Variants in ADAMTS20 observed in about 807,000 individuals in gnomAD.
ADAMTS20 encodes A disintegrin and metalloproteinase with thrombospondin motifs 20.
A neutral mutation model predicts 260.1 loss-of-function variants in ADAMTS20; 225 were observed. The ratio of observed to expected loss-of-function variants is 0.87; its 90% CI spans 0.78 to 0.97. The LOEUF is 0.97. Among genes scored for constraint, ADAMTS20 ranks in the 50% least tolerant of loss-of-function variants. The pLI is 0.00. For missense variants in ADAMTS20, 2,400 were observed against 2,337.7 expected, an observed-to-expected ratio of 1.03 and a Z score of -0.55; for synonymous variants, 802 against 769.5, an observed-to-expected ratio of 1.04 and a Z score of -0.70.
chr12:43,458,018 T>A (rs1941996588), intron 11 of ADAMTS20, among the ~76,000 whole-genome samples: 1 of 152,248 alleles, frequency 6.6e-6, no homozygotes, highest in Admixed American at 6.5e-5. Flanking sequence ...GGCATGCCCA[T>A]GACATAGCCT....
Position 43,428,649 on chromosome 12 carries a change from C to T in ADAMTS20, c.3640G>A (p.Gly1214Arg), listed in dbSNP as rs574435246. The change falls in exon 25 of 39, where the codon GGG becomes AGG. Residue 1214 changes from glycine (G) to arginine (R), a missense_variant. Gly to Arg is a moderately radical substitution (Grantham distance 125). Transcript: ENST00000389420. ...AGAATACTTACGGGTGACCAATCCC[C>T]TGCTTGCCACTCTCCACAAGGGGTA... The part of the protein sequence containing the change: ...CFTPCGEWQA[G>R]DWSPCSASCG... 1.4e-5 allele frequency: 22 copies of T among 1,591,042 alleles called. 1 individual carries two copies. In the South Asian group the frequency reaches 2.2e-4, roughly 16 times the overall value.
chr12:43,463,686 A>G (rs1490654463), intron 10 of ADAMTS20, among the ~76,000 whole-genome samples: 1 of 152,218 alleles, frequency 6.6e-6, no homozygotes, highest in Non-Finnish European at 1.5e-5. Context: ...TTTAGGAAGA[A>G]TAGTCGCTAT....
intron 28 of ADAMTS20, among the ~76,000 whole-genome samples, chr12:43,403,408 A>C (rs975828856): frequency 6.6e-6 from 1 of 152,044 alleles, no homozygotes; most frequent in South Asian, 2.1e-4. Flanking sequence ...GGCTTCCCTA[A>C]ACTATTATAT....
chr12:43,423,830 T>A (rs1305549997), intron 28 of ADAMTS20: 1 of 710,490 alleles, frequency 1.4e-6, no homozygotes, highest in Admixed American at 2.0e-5. Context: ...ATTTATTAAA[T>A]ACATATGTGA....
intron 7 of ADAMTS20, among the ~76,000 whole-genome samples, chr12:43,470,748 T>TA (rs1176505559): frequency 6.6e-6 from 1 of 152,176 alleles, no homozygotes; most frequent in African/African-American, 2.4e-5. Context: ...TAAATGGAGA[T>TA]ATAACAGAAA....
chr12:43,431,530 A>G (rs1411198708), intron 21 of ADAMTS20, 34 bp from the exon 22 acceptor site: 2 of 1,611,336 alleles, frequency 1.2e-6, no homozygotes, highest in Admixed American at 3.3e-5. Flanking sequence ...ATTTATTTGC[A>G]GCATTAGTCA....
chr12:43,529,808 T>G (rs2137499849), intron 3 of ADAMTS20, among the ~76,000 whole-genome samples: 1 of 152,218 alleles, frequency 6.6e-6, no homozygotes, highest in South Asian at 2.1e-4. Context: ...CTATTAAAAC[T>G]TTTAAGAAGA....
At chr12:43,508,715 G>T (rs183403057) in intron 3 of ADAMTS20, among the ~76,000 whole-genome samples, 1 of 152,128 alleles carries the variant, frequency 6.6e-6, no homozygotes, top group African/African-American at 2.4e-5. Flanking sequence ...AGGGTAAATG[G>T]GGTATAAATC....
rs1211603574 is a variant in ADAMTS20 at position 43,446,662 on chromosome 12, A to G, written c.2130T>C (p.Cys710=). The part of the protein sequence containing the change: ...VLNSSAKIDK[C]GVCGGDNSSC... ...AAGAGTTGTCCCCACCACACACTCCACATTTGTCTATCTTGGCACTGGAGT... is the reference window on the plus strand; with the variant it reads ...AAGAGTTGTCCCCACCACACACTCCGCATTTGTCTATCTTGGCACTGGAGT... Residue 710 remains cysteine (C), a synonymous_variant, in exon 15 of 39, where the codon TGT becomes TGC. Transcript: ENST00000389420. 1 of 1,613,498 alleles carries G rather than the reference A, an allele frequency of 6.2e-7. No homozygotes were observed. The highest frequency in any genetic ancestry group is 8.5e-7 in the Non-Finnish European group (1 of 1,179,570).
chr12:43,502,412 A>T lies in ADAMTS20; in HGVS notation c.614-7T>A. ...GTTTCCTTTATTTGACTTTCTAGGG[A>T]GAAAAAAAGAATATAATGCAGAGCC... On this transcript the variant is annotated splice_polypyrimidine_tract_variant and splice_region_variant and intron_variant, in intron 3 of 38. Transcript: ENST00000389420. 1 of 1,572,592 alleles carries T rather than the reference A, an allele frequency of 6.4e-7. No individual in the cohort carries two copies. Among genetic ancestry groups the T allele is most frequent in the Non-Finnish European group, 8.6e-7 (1 of 1,169,492 alleles).
intron 18 of ADAMTS20, among the ~76,000 whole-genome samples, chr12:43,437,246 A>C (rs1312059705): frequency 3.9e-5 from 6 of 152,178 alleles, no homozygotes; most frequent in Non-Finnish European, 8.8e-5. Flanking sequence ...AACATTAAGA[A>C]AACAATGAAT....
intron 29 of ADAMTS20, among the ~76,000 whole-genome samples, chr12:43,395,271 AG>A (rs1441515166): frequency 7.2e-5 from 11 of 152,286 alleles, no homozygotes; most frequent in African/African-American, 2.6e-4. Context: ...TTTCAAATGA[AG>A]GGATCACAGA....
chr12:43,529,747 C>T (rs1223116746), intron 3 of ADAMTS20, among the ~76,000 whole-genome samples: 1 of 152,080 alleles, frequency 6.6e-6, no homozygotes, highest in African/African-American at 2.4e-5. Context: ...TATCAGAATT[C>T]ACCACTATAT....
intron 4 of ADAMTS20, among the ~76,000 whole-genome samples, chr12:43,501,055 C>CTTTTTTTTTTTTTTTTTTTTTTTTTTTTT (rs79075751): frequency 2.9e-5 from 3 of 104,870 alleles, no homozygotes; most frequent in Admixed American, 2.5e-4. Flanking sequence ...CTATGTAATT[C>CTTTTTTTTTTTTTTTTTTTTTTTTTTTTT]TTTTTTTTTT....
chr12:43,412,837 A>T (rs1413299946), intron 28 of ADAMTS20, among the ~76,000 whole-genome samples: 1 of 115,746 alleles, frequency 8.6e-6, no homozygotes, highest in East Asian at 2.6e-4. Context: ...TTTGAGACAG[A>T]GTCTGGCTCT....
intron 27 of ADAMTS20, among the ~76,000 whole-genome samples, chr12:43,426,943 G>A (rs561484864): frequency 1.1e-4 from 16 of 152,162 alleles, no homozygotes; most frequent in East Asian, 3.9e-4. Context: ...TAAATTAGTC[G>A]GGAGAATCAC....
intron 26 of ADAMTS20, among the ~76,000 whole-genome samples, chr12:43,427,766 G>T (rs929519112): frequency 6.6e-6 from 1 of 152,140 alleles, no homozygotes; most frequent in Non-Finnish European, 1.5e-5. Context: ...GATCTCACTA[G>T]AAAGGAATAA....
In ADAMTS20 at chr12:43,354,057, G is replaced by T; in HGVS notation, c.*152C>A. The T allele has an allele frequency of 2.0e-6, 1 of 501,220 alleles. No homozygotes were observed. The highest frequency in any genetic ancestry group is 3.5e-6 in the Non-Finnish European group (1 of 285,342). 31.0% of individuals were successfully genotyped at this position (501,220 alleles called of 1,614,324 possible). Reference sequence around the variant, plus strand: ...TCTTTTATAGACCTTATTAAGCAGTGATTTGAATCCCTGATGAGCACCCTG... The same window carrying T: ...TCTTTTATAGACCTTATTAAGCAGTTATTTGAATCCCTGATGAGCACCCTG... On this transcript the variant is annotated 3_prime_UTR_variant, in exon 39 of 39. Transcript: ENST00000389420.
rs924565409 is a variant in ADAMTS20 at position 43,355,096 on chromosome 12, G to A, written c.5644-798C>T. On this transcript the variant is annotated intron_variant, in intron 38 of 38. Transcript: ENST00000389420. The stretch of plus-strand genomic sequence containing the variant: ...TTTTAAATCTAAGGGAGTAAAGATA[G>A]AGAAGAAAACTGTAGGTTCTTGGGA... Among the ~76,000 whole-genome samples the A allele has an allele frequency of 2.0e-5, 3 of 147,992 alleles. No individual in the cohort carries two copies. The Admixed American group carries it at 2.0e-4, about 10-fold the overall frequency.
Sources: gnomAD v4.1 joint callset for allele counts (sites outside exome capture counted in the v4.1 genomes callset) on GRCh38, gnomAD v4.1.1 for gene constraint, MANE v1.5 for transcripts, NCBI Gene and HGNC (gene_info 2026-07-23, HGNC 2026-07-21) for gene names.